The following LDHA variants were observed in gnomAD, a reference collection of about 807,000 sequenced individuals.
LDHA encodes L-lactate dehydrogenase A chain.
Under a neutral mutation model 36.3 loss-of-function variants are expected in LDHA, and 10 were observed. That is an observed-to-expected ratio of 0.28 (90% CI 0.17 to 0.47). The LOEUF is 0.47. Ranked by LOEUF, LDHA falls within the 20% of genes least tolerant of loss-of-function variation. The probability of loss-of-function intolerance (pLI) is 0.99; values close to 1 mark genes in which losing one functional copy is unlikely to be tolerated. For synonymous variants in LDHA, 110 were observed against 136.7 expected, an observed-to-expected ratio of 0.80 and a Z score of 1.36; for missense variants, 267 against 405.8, an observed-to-expected ratio of 0.66 and a Z score of 2.94.
intron 3 of LDHA, 81 bp downstream of exon 3, chr11:18,399,629 T>C: frequency 9.5e-7 from 1 of 1,052,374 alleles, no homozygotes. Flanking sequence ...TTGCTTAGGG[T>C]AGAGTGCAGT....
In LDHA at chr11:18,399,644, C is replaced by T. The variant is rs957888451; in HGVS notation, c.244+96C>T. 8.8e-6 allele frequency: 8 copies of T among 904,476 alleles called. No individual in the cohort carries two copies. The African/African-American group carries it at 1.1e-4, about 13-fold the overall frequency. The allele number at this position is 904,476 out of a possible 1,614,324, so 56.0% of individuals were successfully genotyped here. A position where few individuals can be genotyped will look rare whatever the true frequency, so the allele number is the denominator to read the frequency against. Reference sequence around the variant, plus strand: ...TTGCTTAGGGTAGAGTGCAGTTGCACAATTATGGCTCACCACAGCCTCGAA... The same window carrying T: ...TTGCTTAGGGTAGAGTGCAGTTGCATAATTATGGCTCACCACAGCCTCGAA... On this transcript the variant is annotated intron_variant, in intron 3 of 7. Transcript: ENST00000422447.
intron 7 of LDHA, among the ~76,000 whole-genome samples, chr11:18,406,343 A>G (rs1336731924): frequency 6.7e-6 from 1 of 150,150 alleles, no homozygotes; most frequent in African/African-American, 2.4e-5. Flanking sequence ...TGGAAGGCCA[A>G]GGGCAGGAGA....
intron 1 of LDHA, among the ~76,000 whole-genome samples, chr11:18,396,102 T>C (rs1866284568): frequency 6.6e-6 from 1 of 152,268 alleles, no homozygotes. Context: ...GCTGCATAGC[T>C]CCAGATTGCC....
At chr11:18,400,466 C>G in intron 3 of LDHA, 3 of 169,228 alleles carry the variant, frequency 1.8e-5, no homozygotes, top group East Asian at 2.6e-4. Context: ...CACACACACA[C>G]ACACACACAC....
chr11:18,401,864 G>A (rs1036431310), intron 4 of LDHA, among the ~76,000 whole-genome samples: 6 of 151,102 alleles, frequency 4.0e-5, no homozygotes, highest in Admixed American at 1.3e-4. Context: ...AAACATTAAA[G>A]GGAATACAAT....
chr11:18,399,579 A>G, intron 3 of LDHA, 31 bp downstream of exon 3: 1 of 1,443,082 alleles, frequency 6.9e-7, no homozygotes, highest in Non-Finnish European at 9.8e-7. Flanking sequence ...ATTATAATCC[A>G]TGCTTGACTT....
rs749119901 is a variant in LDHA, at chr11:18,405,575, A to AGG, written c.834+4_834+5dup. 2 of 1,613,692 alleles carry AGG rather than the reference A, an allele frequency of 1.2e-6. No homozygotes were observed. Among genetic ancestry groups the AGG allele is most frequent in the Admixed American group, 3.3e-5 (2 of 60,018 alleles). Reference sequence around the variant, plus strand: ...ACCCAGTTTCCACCATGATTAAGGTAGGTCTATGTAGTGATACGCTGCATT... The same window carrying AGG: ...ACCCAGTTTCCACCATGATTAAGGTAGGGGTCTATGTAGTGATACGCTGCATT... On this transcript the variant is annotated splice_donor_region_variant and intron_variant, in intron 7 of 7. Coordinates refer to ENST00000422447, the MANE Select transcript of LDHA (RefSeq NM_005566.4).
intron 4 of LDHA, among the ~76,000 whole-genome samples, chr11:18,401,699 G>A (rs1261231233): frequency 2.7e-4 from 39 of 146,084 alleles, no homozygotes; most frequent in South Asian, 1.1e-3. Context: ...GGATGGTCTC[G>A]ATCTCCTGAC....
chr11:18,398,070 T>C (rs547019924), intron 2 of LDHA, among the ~76,000 whole-genome samples: 1 of 152,204 alleles, frequency 6.6e-6, no homozygotes, highest in African/African-American at 2.4e-5. Flanking sequence ...TTTTTCTCTG[T>C]GATGGCCTCT....
At chr11:18,400,124 T>C (rs911900874) in intron 3 of LDHA, 1 of 177,652 alleles carries the variant, frequency 5.6e-6, no homozygotes. Context: ...TTTAACCACA[T>C]TGTGTTACTT....
chr11:18,402,792 G>C (rs1392726302), intron 4 of LDHA, 48 bp from the exon 5 acceptor site: 1 of 1,406,500 alleles, frequency 7.1e-7, no homozygotes, highest in Non-Finnish European at 1.0e-6. Context: ...TCTTTTTTGT[G>C]TGTAGGGAGA....
In LDHA at chr11:18,405,437, C is replaced by A; in HGVS notation, c.711-12C>A. 6.2e-7 allele frequency: 1 copy of A among 1,612,570 alleles called. No individual in the cohort carries two copies. Among genetic ancestry groups the A allele is most frequent in the Non-Finnish European group, 8.5e-7 (1 of 1,179,718 alleles). On this transcript the variant is annotated splice_polypyrimidine_tract_variant and intron_variant, in intron 6 of 7. Coordinates refer to ENST00000422447, the MANE Select transcript of LDHA (RefSeq NM_005566.4). The stretch of plus-strand genomic sequence containing the variant: ...CTTTTTCTGCCTTTACCTATGGTTT[C>A]CTATCATACAGTGCTTATGAGGTGA...
At chr11:18,396,355 A>C (rs895246321) in intron 1 of LDHA, 1 of 397,206 alleles carries the variant, frequency 2.5e-6, no homozygotes, top group African/African-American at 2.1e-5. Context: ...AGAGCCACAA[A>C]GCGCGCATGC....
At chr11:18,405,329 T>C (rs1866647375) in intron 6 of LDHA, 120 bp from the exon 7 acceptor site, 1 of 996,048 alleles carries the variant, frequency 1.0e-6, no homozygotes, top group Non-Finnish European at 1.6e-6. Context: ...GGGTTATTCT[T>C]GGTATAATGC....
chr11:18,404,739 T>C (rs1866617565), intron 6 of LDHA, among the ~76,000 whole-genome samples: 1 of 145,774 alleles, frequency 6.9e-6, no homozygotes, highest in South Asian at 2.1e-4. Flanking sequence ...ACCCGGTAGT[T>C]GGAGCTTGCA....
At position 18,408,268 on chromosome 11, in the gene LDHA, C is replaced by T; in HGVS notation, c.*987C>T. The T allele has an allele frequency of 2.2e-6, 1 of 450,420 alleles. No individual in the cohort carries two copies. Among genetic ancestry groups the T allele is most frequent in the South Asian group, 1.6e-5 (1 of 63,712 alleles). The allele number at this position is 450,420 out of a possible 1,614,324, so 27.9% of individuals were successfully genotyped here. ...CAGCACTTTGGGAAGCCCAGGTGGG[C>T]TGATCACTGGAGGCCAGGAATTGGG... On this transcript the variant is annotated 3_prime_UTR_variant, in exon 8 of 8. Coordinates refer to ENST00000422447, the MANE Select transcript of LDHA (RefSeq NM_005566.4).
chr11:18,396,879 C>G lies in LDHA; in HGVS notation c.37C>G (p.Leu13Val), dbSNP rs776461335. 6.2e-7 allele frequency: 1 copy of G among 1,613,672 alleles called. No individual in the cohort carries two copies. The highest frequency in any genetic ancestry group is 1.1e-5 in the South Asian group (1 of 91,038). ...TLKDQLIYNL[L>V]KEEQTPQNKI... The stretch of plus-strand genomic sequence containing the variant: ...AAAGGATCAGCTGATTTATAATCTT[C>G]TAAAGGAAGAACAGACCCCCCAGAA... Residue 13 changes from leucine (L) to valine (V), a missense_variant, in exon 2 of 8, where the codon CTA becomes GTA. Leu to Val is a conservative substitution (Grantham distance 32, BLOSUM62 1). Transcript: ENST00000422447.
At chr11:18,406,789 G>A (rs552534884) in intron 7 of LDHA, 13 of 211,194 alleles carry the variant, frequency 6.2e-5, no homozygotes, top group Admixed American at 5.3e-4. Context: ...GCCAAGAGGT[G>A]GATCACCTGA....
rs776023375 is a variant in LDHA, at chr11:18,407,106, T to C, written c.835-11T>C. 3.8e-6 allele frequency: 6 copies of C among 1,578,338 alleles called. No individual in the cohort carries two copies. In the South Asian group the frequency reaches 6.9e-5, roughly 18 times the overall value. On this transcript the variant is annotated splice_polypyrimidine_tract_variant and intron_variant, in intron 7 of 7. Coordinates refer to ENST00000422447, the MANE Select transcript of LDHA (RefSeq NM_005566.4). ...AAATGTGAGATTTTTTTTTTTTCATTTCATCTTCAGGGTCTTTACGGAATA... is the reference window on the plus strand; with the variant it reads ...AAATGTGAGATTTTTTTTTTTTCATCTCATCTTCAGGGTCTTTACGGAATA...
Sources: gnomAD v4.1 joint callset for allele counts (sites outside exome capture counted in the v4.1 genomes callset) on GRCh38, gnomAD v4.1.1 for gene constraint, MANE v1.5 for transcripts, NCBI Gene and HGNC (gene_info 2026-07-23, HGNC 2026-07-21) for gene names.